PTPRN2: variants seen among roughly 807,000 people sequenced by gnomAD.
PTPRN2 encodes receptor-type tyrosine-protein phosphatase N2.
Under a neutral mutation model 118.8 loss-of-function variants are expected in PTPRN2, and 74 were observed. The observed-to-expected ratio is 0.62, with a 90% CI of 0.52 to 0.76. The LOEUF (loss-of-function observed/expected upper bound fraction) is 0.76. Among genes scored for constraint, PTPRN2 ranks in the 30% least tolerant of loss-of-function variants. PTPRN2 has a pLI of 0.00. For synonymous variants in PTPRN2, 641 were observed against 608.0 expected (o/e 1.05, Z -0.80); for missense variants, 1,481 against 1,394.4 (o/e 1.06, Z -0.99).
At chr7:158,210,885 T>G (rs138080417) in intron 3 of PTPRN2, among the ~76,000 whole-genome samples, 1,975 of 152,260 alleles carry the variant, frequency 0.013, 19 homozygotes, top group Middle Eastern at 0.034. Context: ...TTACCAAATA[T>G]TTAAAGAAGA....
At chr7:157,792,898 G>A (rs1041590323) in intron 12 of PTPRN2, among the ~76,000 whole-genome samples, 9 of 152,190 alleles carry the variant, frequency 5.9e-5, no homozygotes, top group Admixed American at 1.3e-4. Flanking sequence ...AAGCATGACC[G>A]GGCGGATCAA....
At chr7:158,461,605 G>C (rs138433470) in intron 2 of PTPRN2, among the ~76,000 whole-genome samples, 1 of 151,870 alleles carries the variant, frequency 6.6e-6, no homozygotes, top group African/African-American at 2.4e-5. Flanking sequence ...GCATAATTAC[G>C]TACTTTTTCC....
intron 12 of PTPRN2, among the ~76,000 whole-genome samples, chr7:157,840,858 T>G (rs1808368997): frequency 6.6e-6 from 1 of 152,168 alleles, no homozygotes; most frequent in African/African-American, 2.4e-5. Flanking sequence ...GAGCCAGAAG[T>G]GTTTCTTCTT....
At chr7:157,637,969 G>C (rs2150686307) in intron 14 of PTPRN2, among the ~76,000 whole-genome samples, 1 of 152,334 alleles carries the variant, frequency 6.6e-6, no homozygotes, top group Non-Finnish European at 1.5e-5. Context: ...AAGCAGAGGA[G>C]AAACACTGAA....
chr7:157,900,655 A>AG (rs775632252), intron 11 of PTPRN2, among the ~76,000 whole-genome samples: 34 of 152,216 alleles, frequency 2.2e-4, no homozygotes, highest in Non-Finnish European at 2.5e-4. Context: ...TGAGCTCCTC[A>AG]GTCTGACGAA....
chr7:157,898,679 G>A lies in PTPRN2; in HGVS notation c.1782C>T (p.Val594=), dbSNP rs117087228. 2.3e-5 allele frequency: 37 copies of A among 1,598,482 alleles called. No homozygotes were observed. The highest frequency in any genetic ancestry group is 1.4e-4 in the South Asian group (13 of 90,750). The change falls in exon 12 of 23, where the codon GTC becomes GTT. Residue 594 remains valine (V), a synonymous_variant. Coordinates refer to ENST00000389418, the MANE Select transcript of PTPRN2 (RefSeq NM_002847.5). The stretch of plus-strand genomic sequence containing the variant: ...CACCCCTTCTGTTACTCACCGACCC[G>A]ACTCCGGTTTGAAGAATTTTCAGTC... ...TSGLKILQTG[V]GSKSKLKFLP...
chr7:157,856,458 C>T (rs1197225707), intron 12 of PTPRN2, among the ~76,000 whole-genome samples: 6 of 152,210 alleles, frequency 3.9e-5, no homozygotes, highest in South Asian at 2.1e-4. Flanking sequence ...TGGGGCGTCC[C>T]GTTCCCACCA....
chr7:157,940,196 G>C (rs1234331107), intron 11 of PTPRN2, among the ~76,000 whole-genome samples: 1 of 152,144 alleles, frequency 6.6e-6, no homozygotes, highest in African/African-American at 2.4e-5. Flanking sequence ...CAGCGATGGT[G>C]GTGTTCAGAA....
chr7:157,914,214 A>G (rs1798266122), intron 11 of PTPRN2, among the ~76,000 whole-genome samples: 1 of 152,204 alleles, frequency 6.6e-6, no homozygotes, highest in South Asian at 2.1e-4. Context: ...TTTTTTTAAA[A>G]AGACAAAAAA....
At chr7:157,910,214 C>A (rs758005022) in intron 11 of PTPRN2, among the ~76,000 whole-genome samples, 1 of 151,642 alleles carries the variant, frequency 6.6e-6, no homozygotes. Context: ...GGATCACGCA[C>A]GTACACCGTG....
chr7:157,561,734 T>A (rs1181339819), intron 21 of PTPRN2, among the ~76,000 whole-genome samples: 1 of 152,238 alleles, frequency 6.6e-6, no homozygotes, highest in Non-Finnish European at 1.5e-5. Context: ...TGAGTGAAGC[T>A]GCCATCTCTG....
At chr7:158,150,994 C>A (rs923149938) in intron 6 of PTPRN2, among the ~76,000 whole-genome samples, 1 of 152,018 alleles carries the variant, frequency 6.6e-6, no homozygotes, top group Non-Finnish European at 1.5e-5. Flanking sequence ...CCTCTCAGCA[C>A]CTCATGCTGC....
At chr7:158,262,668 GCA>G (rs1797539552) in intron 3 of PTPRN2, among the ~76,000 whole-genome samples, 1 of 128,350 alleles carries the variant, frequency 7.8e-6, no homozygotes, top group African/African-American at 3.1e-5. Flanking sequence ...CACACTGCAC[GCA>G]CATTCACACA....
intron 2 of PTPRN2, among the ~76,000 whole-genome samples, chr7:158,378,992 G>A (rs948773357): frequency 1.3e-5 from 2 of 152,328 alleles, no homozygotes; most frequent in Non-Finnish European, 2.9e-5. Flanking sequence ...GCATCTGCAC[G>A]CACTCCTGTC....
rs201044710 is a variant in PTPRN2, at chr7:158,192,436, A to G, written c.440T>C (p.Leu147Pro). The change falls in exon 5 of 23, where the codon CTG (leucine) becomes CCG (proline). Residue 147 changes from leucine (L) to proline (P), a missense_variant. By Grantham distance (98) the Leu-to-Pro change is moderately conservative (BLOSUM62 -3). Around this residue, in one of 3 missense-constraint regions of PTPRN2, gnomAD observed 1,115 missense variants for 994.2 expected, o/e 1.12. Coordinates refer to ENST00000389418, the MANE Select transcript of PTPRN2 (RefSeq NM_002847.5). ...CAGGTGGCGTCGGAGGGCGTTGGCC[A>G]GGGCAGCACCGCCCTCCCGACTGTA... ...RRYSREGGAA[L>P]ANALRRHLPF... 1.3e-6 allele frequency: 2 copies of G among 1,553,656 alleles called. No homozygotes were observed. Among genetic ancestry groups the G allele is most frequent in the Admixed American group, 4.5e-5 (2 of 44,904 alleles).
chr7:158,523,718 T>TCTGCCCTGGAGC (rs1824480498), intron 1 of PTPRN2, among the ~76,000 whole-genome samples: 2 of 22,262 alleles, frequency 9.0e-5, no homozygotes, highest in Non-Finnish European at 8.2e-5. Context: ...TGCCCTGGAG[T>TCTGCCCTGGAGC]GGAGTCTGCC....
At chr7:158,516,587 G>T (rs1263311350) in intron 1 of PTPRN2, among the ~76,000 whole-genome samples, 5 of 151,648 alleles carry the variant, frequency 3.3e-5, no homozygotes, top group African/African-American at 1.2e-4. Flanking sequence ...CCTGCCTATT[G>T]TTCTTCGTGC....
At chr7:158,228,987 A>G (rs1005549902) in intron 3 of PTPRN2, among the ~76,000 whole-genome samples, 1 of 152,246 alleles carries the variant, frequency 6.6e-6, no homozygotes, top group Non-Finnish European at 1.5e-5. Flanking sequence ...GGCTGCTCAC[A>G]GCACCACCCT....
intron 12 of PTPRN2, among the ~76,000 whole-genome samples, chr7:157,814,568 CGGG>C (rs1376551453): frequency 8.3e-5 from 2 of 24,200 alleles, no homozygotes; most frequent in African/African-American, 4.6e-4. Context: ...GGAGGAGAGA[CGGG>C]GGGCAGGAGG....
Sources: gnomAD v4.1 joint callset for allele counts (sites outside exome capture counted in the v4.1 genomes callset) on GRCh38, gnomAD v4.1.1 for gene constraint, gnomAD v4.1.1 regional missense constraint, MANE v1.5 for transcripts, NCBI Gene and HGNC (gene_info 2026-07-23, HGNC 2026-07-21) for gene names.